Variants in WDFY2 observed in about 807,000 individuals in gnomAD.
WDFY2 encodes the protein WD repeat and FYVE domain-containing protein 2.
Under a neutral mutation model 56.4 loss-of-function variants are expected in WDFY2, and 36 were observed. The observed-to-expected ratio is 0.64, with a 90% CI of 0.49 to 0.84. The LOEUF is 0.84. Ranked by LOEUF, WDFY2 falls within the 40% of genes least tolerant of loss-of-function variation. The probability of loss-of-function intolerance (pLI) is 0.00; values close to 1 mark genes in which losing one functional copy is unlikely to be tolerated. For synonymous variants in WDFY2, 176 were observed against 183.7 expected (o/e 0.96, Z 0.34); for missense variants, 444 against 512.2 (o/e 0.87, Z 1.29).
At chr13:51,700,360 C>T (rs1416206698) in intron 3 of WDFY2, among the ~76,000 whole-genome samples, 1 of 152,126 alleles carries the variant, frequency 6.6e-6, no homozygotes, top group Non-Finnish European at 1.5e-5. Flanking sequence ...ACTATTTTAT[C>T]CAAAATATTT....
At chr13:51,609,963 A>G (rs995744263) in intron 1 of WDFY2, among the ~76,000 whole-genome samples, 11 of 152,192 alleles carry the variant, frequency 7.2e-5, no homozygotes, top group African/African-American at 2.2e-4. Context: ...TGATTGGTCA[A>G]AGATGGAACT....
chr13:51,667,692 CA>C (rs1004976618), intron 2 of WDFY2, among the ~76,000 whole-genome samples: 4 of 151,654 alleles, frequency 2.6e-5, no homozygotes, highest in Non-Finnish European at 5.9e-5. Context: ...TACCTTACTT[CA>C]AAAAAACCTC....
chr13:51,611,019 T>C (rs931680000), intron 1 of WDFY2, among the ~76,000 whole-genome samples: 2 of 152,172 alleles, frequency 1.3e-5, no homozygotes, highest in African/African-American at 4.8e-5. Flanking sequence ...ACCAAAGTTA[T>C]TGGAATTAAT....
At chr13:51,673,760 C>T (rs950864024) in intron 2 of WDFY2, among the ~76,000 whole-genome samples, 3 of 152,086 alleles carry the variant, frequency 2.0e-5, no homozygotes, top group African/African-American at 7.2e-5. Flanking sequence ...TAGGGCAGTG[C>T]ATTAAATATC....
At chr13:51,730,431 G>A (rs566960051) in intron 6 of WDFY2, among the ~76,000 whole-genome samples, 5 of 152,078 alleles carry the variant, frequency 3.3e-5, no homozygotes, top group South Asian at 2.1e-4. Context: ...TGTGGTCTGC[G>A]GTTTCCCAGG....
chr13:51,686,015 A>G (rs890353455), intron 3 of WDFY2, among the ~76,000 whole-genome samples: 3 of 152,114 alleles, frequency 2.0e-5, no homozygotes, highest in Non-Finnish European at 2.9e-5. Context: ...TTTCTTCCCA[A>G]CACTCTGATA....
chr13:51,728,095 T>C (rs867978467), intron 6 of WDFY2, among the ~76,000 whole-genome samples: 1 of 152,230 alleles, frequency 6.6e-6, no homozygotes, highest in Non-Finnish European at 1.5e-5. Context: ...TTTGAGACCA[T>C]GTGGCCTCGG....
At chr13:51,616,243 AATAAATAAGATACTGTATAAATTCATG>A (rs1214365043) in intron 1 of WDFY2, among the ~76,000 whole-genome samples, 15 of 152,220 alleles carry the variant, frequency 9.9e-5, no homozygotes, top group Admixed American at 9.8e-4. Flanking sequence ...TCTCAATGTG[AATAAATAAGATACTGTATAAATTCATG>A]ATTCTCATAA....
intron 10 of WDFY2, 123 bp from the exon 11 acceptor site, chr13:51,758,069 C>A: frequency 2.0e-6 from 1 of 491,580 alleles, no homozygotes; most frequent in Non-Finnish European, 3.7e-6. Context: ...ATCTGAGGAG[C>A]ATTCCTGTCA....
chr13:51,722,164 G>A (rs908673962), intron 5 of WDFY2, among the ~76,000 whole-genome samples: 27 of 151,884 alleles, frequency 1.8e-4, no homozygotes, highest in African/African-American at 5.6e-4. Context: ...ACAGCTAATG[G>A]TAGATAAGAG....
At chr13:51,729,019 C>T (rs1039285777) in intron 6 of WDFY2, among the ~76,000 whole-genome samples, 1 of 152,196 alleles carries the variant, frequency 6.6e-6, no homozygotes, top group Non-Finnish European at 1.5e-5. Flanking sequence ...GCGGTCCTTC[C>T]ATTTTCCCAG....
intron 3 of WDFY2, among the ~76,000 whole-genome samples, chr13:51,701,787 T>C (rs1408288168): frequency 6.6e-6 from 1 of 152,160 alleles, no homozygotes; most frequent in Admixed American, 6.5e-5. Context: ...ATATTCAAAA[T>C]AATATGAACA....
intron 4 of WDFY2, among the ~76,000 whole-genome samples, chr13:51,713,575 A>G (rs1399033462): frequency 6.6e-6 from 1 of 152,242 alleles, no homozygotes; most frequent in Non-Finnish European, 1.5e-5. Context: ...AAATAAGCCA[A>G]TCAAGAAAAG....
chr13:51,719,609 G>T (rs1320221992), intron 5 of WDFY2, among the ~76,000 whole-genome samples: 1 of 152,152 alleles, frequency 6.6e-6, no homozygotes, highest in Non-Finnish European at 1.5e-5. Flanking sequence ...CATCTAGACA[G>T]AACACAGTGC....
chr13:51,689,284 G>A (rs1956109879), intron 3 of WDFY2, among the ~76,000 whole-genome samples: 1 of 152,184 alleles, frequency 6.6e-6, no homozygotes, highest in African/African-American at 2.4e-5. Flanking sequence ...CAGGTAAACC[G>A]TGAAGCATCC....
chr13:51,691,562 G>C (rs1956157520), intron 3 of WDFY2, among the ~76,000 whole-genome samples: 1 of 151,982 alleles, frequency 6.6e-6, no homozygotes, highest in Non-Finnish European at 1.5e-5. Context: ...CTATATCTCT[G>C]TTTTGGTACC....
At chr13:51,721,388 T>TA (rs2138635154) in intron 5 of WDFY2, among the ~76,000 whole-genome samples, 1 of 152,164 alleles carries the variant, frequency 6.6e-6, no homozygotes, top group South Asian at 2.1e-4. Flanking sequence ...GGAAAAAAAA[T>TA]ACAGATCTTG....
At chr13:51,759,407 T>A (rs1953508116) in intron 11 of WDFY2, among the ~76,000 whole-genome samples, 1 of 152,214 alleles carries the variant, frequency 6.6e-6, no homozygotes, top group South Asian at 2.1e-4. Flanking sequence ...CTGCCTCAGA[T>A]GTAAACACAG....
intron 1 of WDFY2, among the ~76,000 whole-genome samples, chr13:51,592,864 A>G (rs1201771030): frequency 6.6e-6 from 1 of 152,104 alleles, no homozygotes; most frequent in African/African-American, 2.4e-5. Context: ...ATTCACACCT[A>G]TAATCTCAGC....
Sources: gnomAD v4.1 joint callset for allele counts (sites outside exome capture counted in the v4.1 genomes callset) on GRCh38, gnomAD v4.1.1 for gene constraint, MANE v1.5 for transcripts, NCBI Gene and HGNC (gene_info 2026-07-23, HGNC 2026-07-21) for gene names.